KRT8: variants seen among roughly 807,000 people sequenced by gnomAD.
The protein encoded by KRT8 is keratin 8, also known as keratin, type II cytoskeletal 8.
KRT8 carries 24 observed loss-of-function variants against 43.0 expected under a neutral mutation model. The observed-to-expected ratio is 0.56, with a 90% CI of 0.40 to 0.78. The LOEUF (loss-of-function observed/expected upper bound fraction) is 0.78, where lower values mean the gene tolerates loss of function less well. Among genes scored for constraint, KRT8 ranks in the 30% least tolerant of loss-of-function variants. The probability of loss-of-function intolerance (pLI) is 0.00; values close to 1 mark genes in which losing one functional copy is unlikely to be tolerated. For missense variants in KRT8, 492 were observed against 638.4 expected, an observed-to-expected ratio of 0.77 and a Z score of 2.47; for synonymous variants, 214 against 261.2, an observed-to-expected ratio of 0.82 and a Z score of 1.74.
intron 2 of KRT8, among the ~76,000 whole-genome samples, chr12:52,921,834 G>A (rs1005732180): frequency 5.9e-5 from 9 of 152,034 alleles, no homozygotes; most frequent in Non-Finnish European, 7.4e-5. Context: ...AGCATTATCT[G>A]CATTCTAGAG....
At chr12:52,936,473 G>A (rs1210969527) in intron 2 of KRT8, among the ~76,000 whole-genome samples, 2 of 151,994 alleles carry the variant, frequency 1.3e-5, no homozygotes, top group East Asian at 1.9e-4. Context: ...GTAGAAAAGC[G>A]GTCTCACTAT....
At chr12:52,949,129 C>T (rs1356954942) in intron 2 of KRT8, 19 of 1,573,560 alleles carry the variant, frequency 1.2e-5, no homozygotes, top group Non-Finnish European at 1.6e-5. Context: ...CCGCCACCGT[C>T]GTCCGCAAAG....
rs1555188331 is a variant in KRT8, at chr12:52,918,180, G to GGAAGAGGAAGAAGAA, written c.-46-13154_-46-13153insTTCTTCTTCCTCTTC. Among the ~76,000 whole-genome samples the GGAAGAGGAAGAAGAA allele has an allele frequency of 1.3e-3, 97 of 73,806 alleles. 5 individuals are homozygous for GGAAGAGGAAGAAGAA. The highest frequency in any genetic ancestry group is 9.6e-3 in the Middle Eastern group (1 of 104). The allele number at this position is 73,806 out of a possible 152,430, so 48.4% of individuals were successfully genotyped here. A position where few individuals can be genotyped will look rare whatever the true frequency, so the allele number is the denominator to read the frequency against. On this transcript the variant is annotated intron_variant, in intron 2 of 6. Transcript: ENST00000546826. ...GGGAAGAAGAAGAAGAAGAGGAAGA[G>GGAAGAGGAAGAAGAA]GAAGAAGAAGAAGAAGAAGAAGAAC...
chr12:52,911,461 C>G (rs570315520), upstream of KRT8, among the ~76,000 whole-genome samples: 62 of 152,296 alleles, frequency 4.1e-4, no homozygotes, highest in African/African-American at 1.4e-3. Flanking sequence ...AATCAAGTCC[C>G]TAATGGCCTT....
intron 2 of KRT8, among the ~76,000 whole-genome samples, chr12:52,937,361 A>C (rs2120716994): frequency 6.6e-6 from 1 of 150,884 alleles, no homozygotes; most frequent in South Asian, 2.1e-4. Flanking sequence ...CAACAGAACA[A>C]GACTCGGTCT....
chr12:52,904,822 A>C, exon 1 of KRT8: 1 of 1,612,398 alleles, frequency 6.2e-7, no homozygotes, highest in South Asian at 1.1e-5. Context: ...GCCCCACCAT[A>C]GCCGCCGCCC....
At chr12:52,925,083 G>T (rs1324811199) in intron 2 of KRT8, among the ~76,000 whole-genome samples, 1 of 152,154 alleles carries the variant, frequency 6.6e-6, no homozygotes, top group African/African-American at 2.4e-5. Context: ...ACCTCAATGG[G>T]GCAAGGCCGG....
upstream of KRT8, chr12:52,905,131 C>T (rs999062378): frequency 5.0e-6 from 7 of 1,411,686 alleles, no homozygotes; most frequent in African/African-American, 7.2e-5. Context: ...AGGCCTCGTA[C>T]CTGAGTGGCT....
intron 6 of KRT8, 27 bp from the exon 7 acceptor site, chr12:52,898,546 G>C: frequency 6.2e-7 from 1 of 1,613,806 alleles, no homozygotes; most frequent in Non-Finnish European, 8.5e-7. Context: ...GGGGTGTCAG[G>C]ACCAACTCCT....
At chr12:52,916,138 C>A (rs1339945624) in intron 2 of KRT8, among the ~76,000 whole-genome samples, 8 of 152,048 alleles carry the variant, frequency 5.3e-5, no homozygotes, top group Non-Finnish European at 1.0e-4. Flanking sequence ...AGAGGCCAGA[C>A]AGAGCTTTTT....
At chr12:52,904,973 G>A (rs1304462495) in exon 1 of KRT8, 1 of 1,609,322 alleles carries the variant, frequency 6.2e-7, no homozygotes, top group Non-Finnish European at 8.5e-7. Flanking sequence ...GGGTCACCCT[G>A]ATGGACATGG....
At position 52,904,798 on chromosome 12, in the gene KRT8, C is replaced by A. The variant is rs11554495; in HGVS notation, c.184G>T (p.Gly62Cys). ...TGGTTGACCGTAACTGCGGTGATGC[C>A]TCCCATGCCGCTGGCCCCACCATAG... Residue 62 changes from glycine (G) to cysteine (C), a missense_variant, in exon 1 of 8, where the codon GGC becomes TGC. By Grantham distance (159) the Gly-to-Cys change is radical (BLOSUM62 -3). This residue lies in a region of KRT8 where 84 missense variants were observed against 97.6 expected (regional missense o/e 0.86). Coordinates refer to ENST00000692008, the Ensembl canonical transcript of KRT8. 13,161 of 1,612,350 alleles carry A rather than the reference C, an allele frequency of 8.2e-3. 75 individuals are homozygous for A. The highest frequency in any genetic ancestry group is 0.011 in the Non-Finnish European group (12,422 of 1,179,948).
chr12:52,920,999 C>T (rs1351409671), intron 2 of KRT8, among the ~76,000 whole-genome samples: 2 of 152,220 alleles, frequency 1.3e-5, no homozygotes, highest in Non-Finnish European at 2.9e-5. Flanking sequence ...CACCCCATTC[C>T]CTGGTCTCTA....
intron 2 of KRT8, among the ~76,000 whole-genome samples, chr12:52,915,611 G>A (rs1264641864): frequency 1.3e-5 from 2 of 151,980 alleles, no homozygotes; most frequent in Non-Finnish European, 2.9e-5. Context: ...TTGGGAGGCT[G>A]AGACAGGAGA....
At chr12:52,934,706 C>T (rs1196494653) in intron 2 of KRT8, among the ~76,000 whole-genome samples, 1 of 152,174 alleles carries the variant, frequency 6.6e-6, no homozygotes, top group Non-Finnish European at 1.5e-5. Flanking sequence ...CGGTGGCTCA[C>T]GCCTGTAATC....
At chr12:52,905,108 G>C, upstream of KRT8, 1 of 1,452,712 alleles carries the variant, frequency 6.9e-7, no homozygotes, top group Non-Finnish European at 9.0e-7. Context: ...CAGCCCCGGG[G>C]GATGGGGGGG....
chr12:52,905,500 C>G (rs1418047994), upstream of KRT8, among the ~76,000 whole-genome samples: 4 of 152,110 alleles, frequency 2.6e-5, no homozygotes, highest in Admixed American at 6.6e-5. Context: ...CCCAGAGAAA[C>G]TCTCCTGTGT....
chr12:52,947,060 G>C (rs1565735941), intron 2 of KRT8: 1 of 152,338 alleles, frequency 6.6e-6, no homozygotes, highest in Non-Finnish European at 1.5e-5. Context: ...AGAATCAATA[G>C]GTCCACTCCA....
chr12:52,906,933 C>G (rs1338780640), upstream of KRT8: 1 of 361,378 alleles, frequency 2.8e-6, no homozygotes, highest in Non-Finnish European at 5.5e-6. Context: ...CCTTGGAGGA[C>G]AGACAAACTT....
Sources: gnomAD v4.1 joint callset for allele counts (sites outside exome capture counted in the v4.1 genomes callset) on GRCh38, gnomAD v4.1.1 for gene constraint, gnomAD v4.1.1 regional missense constraint, MANE v1.5 for transcripts, NCBI Gene and HGNC (gene_info 2026-07-23, HGNC 2026-07-21) for gene names.